The following PLXNA4 variants were observed in gnomAD, a reference collection of about 807,000 sequenced individuals.
The protein encoded by PLXNA4 is plexin A4.
PLXNA4 carries 44 observed loss-of-function variants against 191.8 expected under a neutral mutation model. The observed-to-expected ratio is 0.23, with a 90% CI of 0.18 to 0.29. PLXNA4 has a LOEUF of 0.29. PLXNA4 is among the 10% of genes least tolerant of loss of function. PLXNA4 has a pLI of 1.00. For missense variants in PLXNA4, 1,800 were observed against 2,488.8 expected (o/e 0.72, Z 5.89); for synonymous variants, 1,082 against 1,009.5 (o/e 1.07, Z -1.36).
At chr7:132,265,833 G>A (rs1442443213) in intron 4 of PLXNA4, among the ~76,000 whole-genome samples, 2 of 152,156 alleles carry the variant, frequency 1.3e-5, no homozygotes, top group Admixed American at 1.3e-4. Context: ...AGTGCAGGAT[G>A]GGGGTCCCAA....
At chr7:132,567,034 T>C (rs1801760548) in intron 1 of PLXNA4, among the ~76,000 whole-genome samples, 1 of 152,198 alleles carries the variant, frequency 6.6e-6, no homozygotes, top group African/African-American at 2.4e-5. Flanking sequence ...TATGGAACCG[T>C]CTTTCCAGGA....
intron 4 of PLXNA4, chr7:132,271,242 G>A (rs911565980): frequency 6.6e-6 from 1 of 152,106 alleles, no homozygotes; most frequent in African/African-American, 2.4e-5. Context: ...TTGAATGAAA[G>A]AGAAATAAAA....
At chr7:132,407,212 G>A (rs1418267820) in intron 3 of PLXNA4, among the ~76,000 whole-genome samples, 1 of 152,174 alleles carries the variant, frequency 6.6e-6, no homozygotes, top group East Asian at 1.9e-4. Context: ...TAAGCAAGGC[G>A]GAAATGGCCC....
At chr7:132,262,700 A>G (rs763455567) in intron 4 of PLXNA4, among the ~76,000 whole-genome samples, 10 of 152,208 alleles carry the variant, frequency 6.6e-5, no homozygotes, top group South Asian at 2.1e-4. Flanking sequence ...TGCACTAAGG[A>G]GAGAGGCACC....
At chr7:132,424,220 G>C (rs1794952732) in intron 3 of PLXNA4, among the ~76,000 whole-genome samples, 1 of 152,218 alleles carries the variant, frequency 6.6e-6, no homozygotes, top group South Asian at 2.1e-4. Flanking sequence ...AAACGCAGGG[G>C]TTGTGGATTC....
chr7:132,149,111 G>A (rs1404032858), intron 25 of PLXNA4, among the ~76,000 whole-genome samples: 3 of 152,112 alleles, frequency 2.0e-5, no homozygotes, highest in Admixed American at 2.0e-4. Context: ...CCTGTTCCAG[G>A]GGTGTATCCT....
chr7:132,326,405 G>A (rs1243043522), intron 3 of PLXNA4, among the ~76,000 whole-genome samples: 1 of 152,212 alleles, frequency 6.6e-6, no homozygotes, highest in Non-Finnish European at 1.5e-5. Flanking sequence ...GGTTTTGGTA[G>A]AATCCATGTG....
chr7:132,591,996 G>A (rs1350727923), intron 2 of PLXNA4, among the ~76,000 whole-genome samples: 7 of 152,106 alleles, frequency 4.6e-5, no homozygotes, highest in Non-Finnish European at 1.5e-5. Context: ...CTTGGCTGGT[G>A]GGAACTTCTG....
intron 15 of PLXNA4, among the ~76,000 whole-genome samples, chr7:132,186,818 T>C (rs61173891): frequency 0.26 from 39,347 of 152,108 alleles, 6,774 homozygotes; most frequent in African/African-American, 0.49. Context: ...AGCCTTTTCC[T>C]GAAACAAACC....
At chr7:132,281,209 T>C (rs530164389) in intron 4 of PLXNA4, among the ~76,000 whole-genome samples, 1 of 152,218 alleles carries the variant, frequency 6.6e-6, no homozygotes, top group African/African-American at 2.4e-5. Context: ...TTCCATACTT[T>C]GTTTTAATGG....
intron 3 of PLXNA4, among the ~76,000 whole-genome samples, chr7:132,327,551 C>T (rs1802422052): frequency 6.6e-6 from 1 of 152,120 alleles, no homozygotes; most frequent in Non-Finnish European, 1.5e-5. Context: ...GCTAGGTCCT[C>T]TCTGACTGAA....
At chr7:132,226,309 C>A (rs1798321226) in intron 7 of PLXNA4, 49 bp from the exon 8 acceptor site, 1 of 1,503,132 alleles carries the variant, frequency 6.7e-7, no homozygotes, top group African/African-American at 1.4e-5. Context: ...GGCCCCAAGC[C>A]AGGGATTCCC....
intron 1 of PLXNA4, among the ~76,000 whole-genome samples, chr7:132,533,423 C>G (rs1280045603): frequency 6.6e-6 from 1 of 152,210 alleles, no homozygotes; most frequent in African/African-American, 2.4e-5. Flanking sequence ...CAGACATCAC[C>G]TGTTCAAAGG....
chr7:132,477,671 C>T (rs1797184886), intron 3 of PLXNA4, among the ~76,000 whole-genome samples: 1 of 152,156 alleles, frequency 6.6e-6, no homozygotes, highest in African/African-American at 2.4e-5. Context: ...TTTTATTCAG[C>T]ATTTGTTACC....
chr7:132,157,741 C>G (rs1795838178), intron 25 of PLXNA4, among the ~76,000 whole-genome samples: 1 of 152,198 alleles, frequency 6.6e-6, no homozygotes, highest in South Asian at 2.1e-4. Flanking sequence ...ACAGATGAAA[C>G]AAAGGAACAG....
intron 9 of PLXNA4, among the ~76,000 whole-genome samples, chr7:132,215,789 T>C (rs1369074682): frequency 1.3e-5 from 2 of 152,234 alleles, no homozygotes; most frequent in Non-Finnish European, 2.9e-5. Flanking sequence ...GTGGCGATGC[T>C]GACAGGGTGG....
chr7:132,457,231 A>G (rs1216775335), intron 3 of PLXNA4, among the ~76,000 whole-genome samples: 1 of 152,208 alleles, frequency 6.6e-6, no homozygotes, highest in Non-Finnish European at 1.5e-5. Flanking sequence ...TTATATTTGG[A>G]ATTCATCAGT....
At chr7:132,553,192 C>T (rs939555401) in intron 1 of PLXNA4, among the ~76,000 whole-genome samples, 2 of 152,226 alleles carry the variant, frequency 1.3e-5, no homozygotes, top group Admixed American at 1.3e-4. Context: ...TTTCTGCCAG[C>T]CCCAGGCATG....
Position 132,174,792 on chromosome 7 carries a change from G to A in PLXNA4, c.4003C>T (p.Leu1335Phe). 1 of 1,614,088 alleles carries A rather than the reference G, an allele frequency of 6.2e-7. No homozygotes were observed. Among genetic ancestry groups the A allele is most frequent in the South Asian group, 1.1e-5 (1 of 91,074 alleles). ...LFPGIEDHPV[L>F]RDLEVPGYRQ... ...CTGCTTCTCACCTCAAGGTCCCGGAGGACAGGGTGGTCTTCAATTCCTGGG... is the reference window on the plus strand; with the variant it reads ...CTGCTTCTCACCTCAAGGTCCCGGAAGACAGGGTGGTCTTCAATTCCTGGG... The change falls in exon 21 of 32, where the codon CTC (leucine) becomes TTC (phenylalanine). Residue 1335 changes from leucine to phenylalanine, a missense_variant. Physicochemically the swap from Leu to Phe is conservative, Grantham distance 22. Around this residue, in one of 6 missense-constraint regions of PLXNA4, gnomAD observed 1,397 missense variants for 1,880.4 expected, o/e 0.74. Transcript: ENST00000321063.
Sources: allele counts gnomAD v4.1 joint callset (sites outside exome capture counted in the v4.1 genomes callset), GRCh38; gene constraint gnomAD v4.1.1; regional missense constraint gnomAD v4.1.1; transcripts MANE v1.5; gene names NCBI Gene and HGNC (gene_info 2026-07-23, HGNC 2026-07-21).